The following FRMD4A variants were observed in gnomAD, a reference collection of about 807,000 sequenced individuals.
FRMD4A encodes FERM domain containing 4A, also known as FERM domain-containing protein 4A.
In FRMD4A, 29 loss-of-function variants were observed where a neutral mutation model predicts 129.1. The ratio of observed to expected loss-of-function variants is 0.22; its 90% CI spans 0.17 to 0.31. The LOEUF is 0.31. Among genes scored for constraint, FRMD4A ranks in the 10% least tolerant of loss-of-function variants. The pLI is 1.00. For synonymous variants in FRMD4A, 634 were observed against 571.6 expected (o/e 1.11, Z -1.56); for missense variants, 1,272 against 1,375.8 (o/e 0.92, Z 1.19).
intron 2 of FRMD4A, among the ~76,000 whole-genome samples, chr10:14,156,923 T>C (rs540784788): frequency 2.6e-5 from 4 of 152,320 alleles, no homozygotes; most frequent in Admixed American, 2.6e-4. Flanking sequence ...AAAATAGACT[T>C]GCCAGAAATC....
intron 6 of FRMD4A, among the ~76,000 whole-genome samples, chr10:13,773,673 GA>G (rs1407758084): frequency 6.6e-6 from 1 of 152,214 alleles, no homozygotes; most frequent in African/African-American, 2.4e-5. Context: ...AAAGCTTTCA[GA>G]CATCACTGTG....
rs774720597 is a variant in FRMD4A at position 14,033,002 on chromosome 10, C to T, written c.46-174090G>A. On this transcript the variant is annotated intron_variant, in intron 2 of 24. Transcript: ENST00000357447. The stretch of plus-strand genomic sequence containing the variant: ...ACTGAATATCTGCGAGGCTCCACTA[C>T]GTTCTTTTAAGATAATTGTATTGGC... Among the ~76,000 whole-genome samples the T allele has an allele frequency of 8.9e-4, 136 of 152,292 alleles. 1 individual carries two copies. The highest frequency in any genetic ancestry group is 3.4e-3 in the Middle Eastern group (1 of 294).
intron 3 of FRMD4A, among the ~76,000 whole-genome samples, chr10:13,828,958 CCTTT>C (rs2093747547): frequency 6.6e-6 from 1 of 152,156 alleles, no homozygotes; most frequent in Non-Finnish European, 1.5e-5. Context: ...GATTTATCTT[CCTTT>C]GAGTAGATAC....
intron 3 of FRMD4A, among the ~76,000 whole-genome samples, chr10:13,849,836 G>A (rs977112020): frequency 6.6e-6 from 1 of 151,882 alleles, no homozygotes; most frequent in Non-Finnish European, 1.5e-5. Context: ...GCTGGGCTAT[G>A]AGGGTGAATA....
intron 2 of FRMD4A, among the ~76,000 whole-genome samples, chr10:13,964,137 A>G (rs1380949207): frequency 6.6e-6 from 1 of 151,820 alleles, no homozygotes; most frequent in Non-Finnish European, 1.5e-5. Context: ...CATTAGAAAA[A>G]AAAAAAAAAC....
chr10:13,884,878 C>T (rs189549173), intron 2 of FRMD4A, among the ~76,000 whole-genome samples: 17 of 152,298 alleles, frequency 1.1e-4, no homozygotes, highest in Admixed American at 2.6e-4. Flanking sequence ...AACATTTGTC[C>T]ACGTATACTA....
chr10:13,784,354 C>T (rs1038671793), intron 5 of FRMD4A, among the ~76,000 whole-genome samples: 3 of 152,286 alleles, frequency 2.0e-5, no homozygotes, highest in Non-Finnish European at 4.4e-5. Flanking sequence ...AAGAAGTCCA[C>T]TGGTTTTTAA....
chr10:14,184,200 C>T (rs1468197998), intron 2 of FRMD4A, among the ~76,000 whole-genome samples: 5 of 142,246 alleles, frequency 3.5e-5, no homozygotes, highest in Non-Finnish European at 6.0e-5. Flanking sequence ...GGTGCCATCT[C>T]GGCTCACTGC....
chr10:13,815,276 A>G (rs1365499601), intron 3 of FRMD4A, among the ~76,000 whole-genome samples: 1 of 152,192 alleles, frequency 6.6e-6, no homozygotes, highest in Non-Finnish European at 1.5e-5. Context: ...ACCTGAAGAC[A>G]TTATGCTAAG....
At chr10:13,891,303 T>A (rs902191326) in intron 2 of FRMD4A, among the ~76,000 whole-genome samples, 7 of 152,070 alleles carry the variant, frequency 4.6e-5, no homozygotes, top group African/African-American at 1.2e-4. Flanking sequence ...AAAATGGTTT[T>A]AAAAAAAGCC....
chr10:13,972,548 C>T (rs1230908094), intron 2 of FRMD4A, among the ~76,000 whole-genome samples: 5 of 149,492 alleles, frequency 3.3e-5, no homozygotes, highest in East Asian at 1.9e-4. Context: ...TTTTTTTTTT[C>T]GCCCCGCATG....
At chr10:14,223,821 A>G (rs977593476) in intron 2 of FRMD4A, among the ~76,000 whole-genome samples, 5 of 151,624 alleles carry the variant, frequency 3.3e-5, no homozygotes, top group African/African-American at 1.2e-4. Context: ...TGGCTAAAAG[A>G]AGATATTCTA....
At chr10:14,057,282 C>T (rs1834579609) in intron 2 of FRMD4A, among the ~76,000 whole-genome samples, 1 of 152,184 alleles carries the variant, frequency 6.6e-6, no homozygotes, top group African/African-American at 2.4e-5. Context: ...AATACAGGAA[C>T]ATGATTCATT....
At chr10:14,077,096 G>T (rs1358444005) in intron 2 of FRMD4A, among the ~76,000 whole-genome samples, 1 of 152,172 alleles carries the variant, frequency 6.6e-6, no homozygotes, top group East Asian at 1.9e-4. Context: ...GGTCAGCCTG[G>T]TGTCACCCAA....
At chr10:13,809,955 C>T (rs2093418389) in intron 4 of FRMD4A, among the ~76,000 whole-genome samples, 1 of 152,234 alleles carries the variant, frequency 6.6e-6, no homozygotes, top group Admixed American at 6.5e-5. Context: ...GTTCTTGCTT[C>T]AGTGGCACCA....
chr10:14,090,778 G>C (rs780877576), intron 2 of FRMD4A, among the ~76,000 whole-genome samples: 5 of 152,140 alleles, frequency 3.3e-5, no homozygotes, highest in Non-Finnish European at 5.9e-5. Flanking sequence ...ATGAGCTTCA[G>C]GTTTCATTAA....
chr10:13,774,413 T>A (rs1175231128), intron 6 of FRMD4A, among the ~76,000 whole-genome samples: 3 of 151,966 alleles, frequency 2.0e-5, no homozygotes, highest in Non-Finnish European at 4.4e-5. Flanking sequence ...ATTAAAGAGA[T>A]GAGAGGTTCG....
rs566945180 is a variant in FRMD4A at position 13,738,400 on chromosome 10, C to T, written c.673-470G>A. Among the ~76,000 whole-genome samples the T allele has an allele frequency of 6.6e-5, 10 of 152,280 alleles. No homozygotes were observed. In the South Asian group the frequency reaches 2.1e-3, roughly 32 times the overall value. On this transcript the variant is annotated intron_variant, in intron 11 of 24. Coordinates refer to ENST00000357447, the MANE Select transcript of FRMD4A (RefSeq NM_018027.5). ...CTGTGGAGACTATGGAAAGTGACTC[C>T]TCTCATTTTAACAACAAATCACAGC...
intron 2 of FRMD4A, among the ~76,000 whole-genome samples, chr10:14,156,383 T>G (rs1840603221): frequency 6.6e-6 from 1 of 152,184 alleles, no homozygotes. Context: ...ACTAAAACTA[T>G]TGAGTGAAAT....
Sources: gnomAD v4.1 joint callset for allele counts (sites outside exome capture counted in the v4.1 genomes callset) on GRCh38, gnomAD v4.1.1 for gene constraint, MANE v1.5 for transcripts, NCBI Gene and HGNC (gene_info 2026-07-23, HGNC 2026-07-21) for gene names.